Variants in CSMD3 observed in about 807,000 individuals in gnomAD.
CSMD3 encodes the protein CUB and Sushi multiple domains 3.
CSMD3 carries 177 observed loss-of-function variants against 435.2 expected under a neutral mutation model. The observed-to-expected ratio is 0.41, with a 90% CI of 0.36 to 0.46. The LOEUF is 0.46. Ranked by LOEUF, CSMD3 falls within the 20% of genes least tolerant of loss-of-function variation. The probability of loss-of-function intolerance (pLI) is 0.34; values close to 1 mark genes in which losing one functional copy is unlikely to be tolerated. For missense variants in CSMD3, 4,265 were observed against 4,504.6 expected, an observed-to-expected ratio of 0.95 and a Z score of 1.52; for synonymous variants, 1,656 against 1,520.5, an observed-to-expected ratio of 1.09 and a Z score of -2.07.
intron 7 of CSMD3, among the ~76,000 whole-genome samples, chr8:112,959,759 C>T (rs1564151116): frequency 2.0e-5 from 3 of 151,652 alleles, no homozygotes; most frequent in South Asian, 2.1e-4. Context: ...TGTCTCTAGG[C>T]GTGTATTTGA....
intron 1 of CSMD3, among the ~76,000 whole-genome samples, chr8:113,434,077 C>T (rs995452650): frequency 5.3e-5 from 8 of 152,178 alleles, no homozygotes; most frequent in African/African-American, 1.9e-4. Context: ...CTACCTAAGA[C>T]CACTTTATCT....
intron 22 of CSMD3, among the ~76,000 whole-genome samples, chr8:112,611,856 G>A (rs1361427012): frequency 6.6e-6 from 1 of 152,088 alleles, no homozygotes; most frequent in Admixed American, 6.6e-5. Flanking sequence ...ATAAATCTAA[G>A]CATGTAAAAT....
chr8:112,544,836 T>C (rs1827006235), intron 27 of CSMD3, among the ~76,000 whole-genome samples: 1 of 152,210 alleles, frequency 6.6e-6, no homozygotes, highest in Non-Finnish European at 1.5e-5. Context: ...GAAATGAATG[T>C]TCAGTACAAA....
In CSMD3 at chr8:113,090,639, C is replaced by T. The variant is rs73338238; in HGVS notation, c.917+8117G>A. Among the ~76,000 whole-genome samples, 1,257 of 152,150 alleles carry T rather than the reference C, an allele frequency of 8.3e-3. 30 individuals are homozygous for T. Among genetic ancestry groups the T allele is most frequent in the African/African-American group, 0.029 (1,190 of 41,538 alleles). ...CTTCCCCATCCACACTGTGCTTTGC[C>T]AACATCTTCAATCTCCTCCTCCATT... On this transcript the variant is annotated intron_variant, in intron 5 of 70. Transcript: ENST00000297405.
intron 3 of CSMD3, among the ~76,000 whole-genome samples, chr8:113,198,519 C>T (rs1399910308): frequency 6.6e-6 from 1 of 151,176 alleles, no homozygotes; most frequent in Non-Finnish European, 1.5e-5. Flanking sequence ...TGACTAACCA[C>T]CATTTTAAAA....
chr8:112,486,620 G>A (rs1820159917), intron 31 of CSMD3, among the ~76,000 whole-genome samples: 1 of 152,050 alleles, frequency 6.6e-6, no homozygotes, highest in East Asian at 1.9e-4. Flanking sequence ...TATATATGCT[G>A]AACCCTAGTT....
chr8:113,116,199 T>G (rs2090822746), intron 4 of CSMD3, among the ~76,000 whole-genome samples: 1 of 152,196 alleles, frequency 6.6e-6, no homozygotes, highest in African/African-American at 2.4e-5. Flanking sequence ...AATCTCATCT[T>G]GAATTGTAGT....
chr8:113,293,483 T>C (rs1349287103), intron 2 of CSMD3, among the ~76,000 whole-genome samples: 1 of 152,070 alleles, frequency 6.6e-6, no homozygotes, highest in Non-Finnish European at 1.5e-5. Context: ...GACCATATGA[T>C]TCCCCATCTA....
At chr8:112,372,576 G>A (rs1212139494) in intron 38 of CSMD3, among the ~76,000 whole-genome samples, 4 of 152,088 alleles carry the variant, frequency 2.6e-5, no homozygotes, top group African/African-American at 4.8e-5. Flanking sequence ...TCTGGCGGGC[G>A]CGGTGGCTCA....
chr8:112,947,031 A>T (rs773583363), intron 9 of CSMD3, among the ~76,000 whole-genome samples: 4 of 151,682 alleles, frequency 2.6e-5, no homozygotes, highest in Non-Finnish European at 5.9e-5. Context: ...AACTATAAAC[A>T]TTAGCATAAA....
intron 67 of CSMD3, among the ~76,000 whole-genome samples, chr8:112,235,214 T>A (rs532107593): frequency 6.6e-6 from 1 of 151,986 alleles, no homozygotes; most frequent in South Asian, 2.1e-4. Flanking sequence ...ACCCCATCTT[T>A]ACAAAAAATA....
At chr8:112,600,141 T>A (rs1832195537) in intron 22 of CSMD3, among the ~76,000 whole-genome samples, 1 of 151,932 alleles carries the variant, frequency 6.6e-6, no homozygotes, top group Admixed American at 6.6e-5. Flanking sequence ...TTGAAAAAAA[T>A]CTATGTGATT....
At chr8:112,990,779 A>G (rs960759240) in intron 6 of CSMD3, among the ~76,000 whole-genome samples, 2 of 151,882 alleles carry the variant, frequency 1.3e-5, no homozygotes, top group South Asian at 4.1e-4. Flanking sequence ...AGATTATGAC[A>G]CAAGCCATGA....
At chr8:112,862,043 T>C (rs1208217231) in intron 10 of CSMD3, among the ~76,000 whole-genome samples, 2 of 151,992 alleles carry the variant, frequency 1.3e-5, no homozygotes. Context: ...TTCATGCTGA[T>C]GAAGAATCTT....
chr8:113,095,047 G>C (rs2090121955), intron 5 of CSMD3, among the ~76,000 whole-genome samples: 1 of 151,748 alleles, frequency 6.6e-6, no homozygotes, highest in Non-Finnish European at 1.5e-5. Context: ...CTCCAGCCTG[G>C]GTGACAGAGT....
At chr8:113,349,886 A>T (rs540102088) in intron 1 of CSMD3, among the ~76,000 whole-genome samples, 17 of 152,116 alleles carry the variant, frequency 1.1e-4, no homozygotes, top group Non-Finnish European at 1.5e-5. Flanking sequence ...CCCCTTCTTG[A>T]ATCTGGATGG....
intron 36 of CSMD3, among the ~76,000 whole-genome samples, chr8:112,387,500 T>TGTGTGTGA (rs1554664066): frequency 2.0e-5 from 3 of 151,696 alleles, no homozygotes; most frequent in African/African-American, 7.3e-5. Flanking sequence ...TGTGTGTGTG[T>TGTGTGTGA]GTGTTACAAG....
chr8:113,357,053 T>A lies in CSMD3; in HGVS notation c.179-42260A>T, dbSNP rs887623363. Among the ~76,000 whole-genome samples the A allele has an allele frequency of 7.2e-5, 11 of 152,182 alleles. No homozygotes were observed. In the South Asian group the frequency reaches 2.1e-3, roughly 29 times the overall value. On this transcript the variant is annotated intron_variant, in intron 1 of 70. Transcript: ENST00000297405. ...TTAGACCTCCCAGAAATGAAAAAAA[T>A]ATATATACATACATATATTTATGTG...
intron 1 of CSMD3, among the ~76,000 whole-genome samples, chr8:113,402,157 A>G (rs1452504318): frequency 2.0e-5 from 3 of 151,272 alleles, no homozygotes; most frequent in African/African-American, 7.3e-5. Flanking sequence ...TTGAGTCACT[A>G]TCTTAAATTT....
Sources: gnomAD v4.1 joint callset for allele counts (sites outside exome capture counted in the v4.1 genomes callset) on GRCh38, gnomAD v4.1.1 for gene constraint, MANE v1.5 for transcripts, NCBI Gene and HGNC (gene_info 2026-07-23, HGNC 2026-07-21) for gene names.